STAU2: variants seen among roughly 807,000 people sequenced by gnomAD.
The protein encoded by STAU2 is staufen double-stranded RNA binding protein 2.
STAU2 carries 20 observed loss-of-function variants against 65.9 expected under a neutral mutation model. That is an observed-to-expected ratio of 0.30 (90% CI 0.21 to 0.44). STAU2 has a LOEUF of 0.44. Ranked by LOEUF, STAU2 falls within the 20% of genes least tolerant of loss-of-function variation. The pLI, the probability that STAU2 is intolerant of heterozygous loss-of-function variation, is 1.00. For missense variants in STAU2, 558 were observed against 683.9 expected (o/e 0.82, Z 2.05); for synonymous variants, 232 against 233.9 (o/e 0.99, Z 0.07).
At chr8:73,633,815 T>C (rs992135044) in intron 6 of STAU2, among the ~76,000 whole-genome samples, 1 of 151,944 alleles carries the variant, frequency 6.6e-6, no homozygotes, top group African/African-American at 2.4e-5. Context: ...ACCCCATTTC[T>C]ACTAAAAATA....
chr8:73,467,648 G>C (rs901269754), intron 13 of STAU2, among the ~76,000 whole-genome samples: 2 of 152,210 alleles, frequency 1.3e-5, no homozygotes, highest in Admixed American at 1.3e-4. Flanking sequence ...AAGGGGCAGA[G>C]AGCATCAATA....
intron 13 of STAU2, among the ~76,000 whole-genome samples, chr8:73,505,456 G>A (rs529473372): frequency 1.3e-5 from 2 of 152,072 alleles, no homozygotes; most frequent in East Asian, 3.9e-4. Context: ...GAGGTTGGAC[G>A]GAGTACCACA....
intron 6 of STAU2, 180 bp downstream of exon 6, chr8:73,672,927 A>T (rs185890079): frequency 2.6e-5 from 13 of 509,610 alleles, no homozygotes; most frequent in East Asian, 2.2e-4. Context: ...TAGTTCCTGA[A>T]AACTGGGTTT....
At chr8:73,565,980 A>G (rs1187447180) in intron 12 of STAU2, among the ~76,000 whole-genome samples, 1 of 152,240 alleles carries the variant, frequency 6.6e-6, no homozygotes, top group African/African-American at 2.4e-5. Flanking sequence ...AGCAAAAAAA[A>G]GAAGTCTAAT....
Position 73,644,376 on chromosome 8 carries a change from T to G in STAU2, c.411-26925A>C, listed in dbSNP as rs1269204307. The stretch of plus-strand genomic sequence containing the variant: ...AGAAGGATCACTTGAGCCCAGGAGT[T>G]TGGGGCTGCAGTGAACTATGATTAT... On this transcript the variant is annotated intron_variant, in intron 6 of 14. Coordinates refer to ENST00000524300, the MANE Select transcript of STAU2 (RefSeq NM_001164380.2). Among the ~76,000 whole-genome samples the G allele has an allele frequency of 4.6e-5, 7 of 152,018 alleles. No homozygotes were observed. The South Asian group carries it at 1.5e-3, about 32-fold the overall frequency.
chr8:73,710,824 T>C (rs901095322), intron 3 of STAU2, among the ~76,000 whole-genome samples: 9 of 152,026 alleles, frequency 5.9e-5, no homozygotes, highest in African/African-American at 2.4e-5. Flanking sequence ...ATAAATACAG[T>C]TCAATTGTAG....
At chr8:73,744,588 T>C (rs571502349) in intron 1 of STAU2, among the ~76,000 whole-genome samples, 1 of 152,074 alleles carries the variant, frequency 6.6e-6, no homozygotes, top group Non-Finnish European at 1.5e-5. Flanking sequence ...TTGATGACTA[T>C]CTTAGATTTT....
intron 6 of STAU2, among the ~76,000 whole-genome samples, chr8:73,662,182 C>T (rs1486297226): frequency 6.6e-6 from 1 of 152,084 alleles, no homozygotes; most frequent in African/African-American, 2.4e-5. Context: ...TGTTTATTAG[C>T]CATTCTTATC....
chr8:73,509,824 T>TA (rs145726303), intron 13 of STAU2, among the ~76,000 whole-genome samples: 5,217 of 151,828 alleles, frequency 0.034, 263 homozygotes, highest in African/African-American at 0.11. Flanking sequence ...ATACAACTGG[T>TA]AAAAAAAAAT....
intron 13 of STAU2, among the ~76,000 whole-genome samples, chr8:73,515,933 CTTT>C (rs570606347): frequency 1.6e-5 from 2 of 126,678 alleles, no homozygotes; most frequent in Non-Finnish European, 3.4e-5. Context: ...GGCACTGACT[CTTT>C]TTTTTTTTTT....
At chr8:73,637,824 AG>A (rs1247123370) in intron 6 of STAU2, among the ~76,000 whole-genome samples, 1 of 152,050 alleles carries the variant, frequency 6.6e-6, no homozygotes, top group Non-Finnish European at 1.5e-5. Context: ...TATAGACTAA[AG>A]CAAAAAATCA....
intron 5 of STAU2, among the ~76,000 whole-genome samples, chr8:73,688,311 G>A (rs1415961026): frequency 1.3e-5 from 2 of 151,480 alleles, no homozygotes; most frequent in African/African-American, 4.9e-5. Context: ...TGGGTAGCTG[G>A]GATTATAGGC....
chr8:73,741,353 T>G (rs1194382357), intron 1 of STAU2, among the ~76,000 whole-genome samples: 1 of 150,962 alleles, frequency 6.6e-6, no homozygotes, highest in East Asian at 1.9e-4. Context: ...TTTGAAAAAC[T>G]CCACTTTGTC....
chr8:73,435,101 C>T (rs1031982946), intron 13 of STAU2, among the ~76,000 whole-genome samples: 7 of 151,854 alleles, frequency 4.6e-5, no homozygotes, highest in Non-Finnish European at 1.0e-4. Context: ...AGATGCCCCC[C>T]CTGGACCTTC....
chr8:73,696,356 T>C (rs578159563), intron 4 of STAU2, among the ~76,000 whole-genome samples: 5 of 152,252 alleles, frequency 3.3e-5, no homozygotes, highest in Non-Finnish European at 5.9e-5. Context: ...ATCGACACCA[T>C]TCAGGAAAAC....
intron 13 of STAU2, among the ~76,000 whole-genome samples, chr8:73,493,652 T>A (rs1821252112): frequency 1.3e-5 from 2 of 151,730 alleles, no homozygotes; most frequent in Non-Finnish European, 2.9e-5. Flanking sequence ...ATGTAGCAAC[T>A]GGAAGTTTCA....
chr8:73,511,704 C>G (rs190662475), intron 13 of STAU2: 2 of 152,422 alleles, frequency 1.3e-5, no homozygotes, highest in Non-Finnish European at 2.9e-5. Context: ...CATGAGGTGG[C>G]TCTCAATTTT....
intron 6 of STAU2, among the ~76,000 whole-genome samples, chr8:73,661,173 A>G (rs2130321632): frequency 6.6e-6 from 1 of 152,262 alleles, no homozygotes; most frequent in South Asian, 2.1e-4. Context: ...TATGATTCCA[A>G]CTCCAGAGTT....
chr8:73,635,037 C>T (rs1814387032), intron 6 of STAU2, among the ~76,000 whole-genome samples: 1 of 152,134 alleles, frequency 6.6e-6, no homozygotes, highest in South Asian at 2.1e-4. Flanking sequence ...AATGTCTCAC[C>T]ACGTGTATGT....
Sources: allele counts gnomAD v4.1 joint callset (sites outside exome capture counted in the v4.1 genomes callset), GRCh38; gene constraint gnomAD v4.1.1; transcripts MANE v1.5; gene names NCBI Gene and HGNC (gene_info 2026-07-23, HGNC 2026-07-21).